Variants in ARPP21 observed in about 807,000 individuals in gnomAD.
ARPP21 encodes cAMP-regulated phosphoprotein 21.
In ARPP21, 69 loss-of-function variants were observed where a neutral mutation model predicts 113.2. The observed-to-expected ratio is 0.61, with a 90% confidence interval of 0.50 to 0.74. The LOEUF is 0.74. Among genes scored for constraint, ARPP21 ranks in the 30% least tolerant of loss-of-function variants. ARPP21 has a pLI of 0.00. For missense variants in ARPP21, 1,070 were observed against 1,037.4 expected (o/e 1.03, Z -0.43); for synonymous variants, 368 against 375.5 (o/e 0.98, Z 0.23).
intron 19 of ARPP21, among the ~76,000 whole-genome samples, chr3:35,783,108 A>G (rs2096559956): frequency 6.6e-6 from 1 of 151,740 alleles, no homozygotes; most frequent in Non-Finnish European, 1.5e-5. Context: ...TCATTTTCCT[A>G]CTACTCCTCA....
intron 6 of ARPP21, among the ~76,000 whole-genome samples, chr3:35,688,683 C>T (rs529060906): frequency 4.0e-5 from 6 of 151,742 alleles, no homozygotes; most frequent in African/African-American, 1.4e-4. Flanking sequence ...TATAACCATA[C>T]ATCTGCTTAT....
intron 1 of ARPP21, among the ~76,000 whole-genome samples, chr3:35,644,608 G>A (rs1478472778): frequency 2.6e-5 from 4 of 151,782 alleles, no homozygotes; most frequent in Non-Finnish European, 5.9e-5. Flanking sequence ...TCTGTGCTTT[G>A]AGAAATAGCT....
chr3:35,738,413 G>A (rs891602271), intron 17 of ARPP21, 95 bp downstream of exon 17: 30 of 1,023,164 alleles, frequency 2.9e-5, no homozygotes, highest in Non-Finnish European at 3.5e-5. Context: ...ACTGGGGTGG[G>A]TGCCCTGGGC....
chr3:35,775,598 C>T (rs2096338312), intron 19 of ARPP21, among the ~76,000 whole-genome samples: 1 of 151,908 alleles, frequency 6.6e-6, no homozygotes, highest in Admixed American at 6.6e-5. Context: ...TCTGGTCATC[C>T]CATATAAAAC....
intron 15 of ARPP21, among the ~76,000 whole-genome samples, chr3:35,736,371 C>T (rs189122372): frequency 7.5e-4 from 114 of 152,264 alleles, no homozygotes; most frequent in African/African-American, 2.5e-3. Flanking sequence ...AATGGAGCTT[C>T]ATTTTCTCTT....
intron 5 of ARPP21, chr3:35,685,271 T>A: frequency 1.0e-6 from 1 of 985,204 alleles, no homozygotes; most frequent in Non-Finnish European, 1.2e-6. Context: ...TGCAGAGAAA[T>A]AAGGTGTAAA....
intron 1 of ARPP21, among the ~76,000 whole-genome samples, chr3:35,663,054 C>A (rs556794348): frequency 6.6e-6 from 1 of 151,968 alleles, no homozygotes; most frequent in Non-Finnish European, 1.5e-5. Context: ...TGTACTCAGG[C>A]GATGGACACC....
chr3:35,771,791 G>A (rs2096213072), intron 19 of ARPP21, among the ~76,000 whole-genome samples: 1 of 152,128 alleles, frequency 6.6e-6, no homozygotes, highest in Admixed American at 6.6e-5. Flanking sequence ...TCTCTTAAGG[G>A]AATTATAGTC....
chr3:35,667,288 A>C (rs529738711), intron 1 of ARPP21, among the ~76,000 whole-genome samples: 2 of 152,288 alleles, frequency 1.3e-5, no homozygotes, highest in African/African-American at 2.4e-5. Flanking sequence ...TCATAGCAAA[A>C]CTAGTTTTAT....
chr3:35,691,638 T>C (rs1209985318), intron 9 of ARPP21, among the ~76,000 whole-genome samples: 3 of 151,612 alleles, frequency 2.0e-5, no homozygotes, highest in Non-Finnish European at 4.4e-5. Context: ...AATAATTGTT[T>C]GTTTTTCTCT....
In ARPP21 at chr3:35,721,630, A is replaced by T; in HGVS notation, c.1021A>T (p.Thr341Ser). Residue 341 changes from threonine to serine, a missense_variant, in exon 14 of 21, where the codon ACA becomes TCA. Thr to Ser is a moderately conservative substitution (Grantham distance 58, BLOSUM62 1). Coordinates refer to ENST00000684406, the MANE Select transcript of ARPP21 (RefSeq NM_001385562.1). ...GGGCAACAGAGATGGCTCAGGGAGA[A>T]CATCTGGGAGTCGACAGAGCAGCTC... The part of the protein sequence containing the change: ...FRGNRDGSGR[T>S]SGSRQSSSEN... 6.2e-7 allele frequency: 1 copy of T among 1,612,382 alleles called. No individual in the cohort carries two copies. The highest frequency in any genetic ancestry group is 1.1e-5 in the South Asian group (1 of 90,984).
chr3:35,681,544 C>T (rs1221025941), intron 2 of ARPP21, 170 bp from the exon 3 acceptor site: 11 of 527,442 alleles, frequency 2.1e-5, no homozygotes, highest in Non-Finnish European at 3.4e-6. Context: ...ACTGCATCTG[C>T]CTCTTGTGCA....
At chr3:35,726,339 G>T (rs2093533917) in intron 14 of ARPP21, among the ~76,000 whole-genome samples, 1 of 152,220 alleles carries the variant, frequency 6.6e-6, no homozygotes. Flanking sequence ...CACTGGCTGT[G>T]TGTGGAATAT....
chr3:35,662,275 G>A (rs1410562934), intron 1 of ARPP21, among the ~76,000 whole-genome samples: 1 of 152,196 alleles, frequency 6.6e-6, no homozygotes, highest in Non-Finnish European at 1.5e-5. Flanking sequence ...TTGGAGCAGT[G>A]ATGAGGTGCC....
At chr3:35,718,030 A>G (rs2092648570) in intron 13 of ARPP21, among the ~76,000 whole-genome samples, 1 of 152,176 alleles carries the variant, frequency 6.6e-6, no homozygotes, top group Non-Finnish European at 1.5e-5. Flanking sequence ...TCAGTATCCA[A>G]TACATATATT....
At chr3:35,642,006 A>G (rs1007859800) in intron 1 of ARPP21, among the ~76,000 whole-genome samples, 1 of 152,214 alleles carries the variant, frequency 6.6e-6, no homozygotes, top group Non-Finnish European at 1.5e-5. Flanking sequence ...GTTACTTTAG[A>G]AAAAGTGCCT....
intron 19 of ARPP21, among the ~76,000 whole-genome samples, chr3:35,783,453 C>T (rs771004684): frequency 3.3e-5 from 5 of 152,092 alleles, no homozygotes; most frequent in South Asian, 2.1e-4. Context: ...CCCTCCTTGC[C>T]GCTCATAGAT....
At chr3:35,644,527 A>G (rs1699414572) in intron 1 of ARPP21, among the ~76,000 whole-genome samples, 1 of 151,962 alleles carries the variant, frequency 6.6e-6, no homozygotes, top group Non-Finnish European at 1.5e-5. Flanking sequence ...TGGTCTGAAG[A>G]TATTTTCTTT....
chr3:35,706,271 A>G (rs1267948340), intron 9 of ARPP21, among the ~76,000 whole-genome samples: 1 of 152,220 alleles, frequency 6.6e-6, no homozygotes, highest in Admixed American at 6.5e-5. Context: ...CTTTCCTTTA[A>G]TAATACCAAA....
Sources: gnomAD v4.1 joint callset for allele counts (sites outside exome capture counted in the v4.1 genomes callset) on GRCh38, gnomAD v4.1.1 for gene constraint, MANE v1.5 for transcripts, NCBI Gene and HGNC (gene_info 2026-07-23, HGNC 2026-07-21) for gene names.